ERC2: variants seen among roughly 807,000 people sequenced by gnomAD.
ERC2 encodes the protein ELKS/RAB6-interacting/CAST family member 2, also known as ERC protein 2.
In ERC2, 42 loss-of-function variants were observed where a neutral mutation model predicts 114.8. That is an observed-to-expected ratio of 0.37 (90% CI 0.29 to 0.47). The LOEUF (loss-of-function observed/expected upper bound fraction) is 0.47, where lower values mean the gene tolerates loss of function less well. ERC2 is among the 20% of genes least tolerant of loss of function. The pLI is 0.99. For synonymous variants in ERC2, 454 were observed against 425.5 expected, an observed-to-expected ratio of 1.07 and a Z score of -0.82; for missense variants, 939 against 1,150.7, an observed-to-expected ratio of 0.82 and a Z score of 2.66.
chr3:55,952,162 C>CT (rs1559922129), intron 12 of ERC2, among the ~76,000 whole-genome samples: 3 of 62,486 alleles, frequency 4.8e-5, no homozygotes, highest in Admixed American at 1.9e-4. Flanking sequence ...CACACACACA[C>CT]ACACACACAC....
At chr3:56,117,351 C>T (rs2079295347) in intron 6 of ERC2, among the ~76,000 whole-genome samples, 1 of 152,194 alleles carries the variant, frequency 6.6e-6, no homozygotes, top group African/African-American at 2.4e-5. Flanking sequence ...ACCTGGATTT[C>T]CCCATGTCAA....
chr3:55,513,011 A>G (rs966723750), intron 17 of ERC2, among the ~76,000 whole-genome samples: 5 of 152,254 alleles, frequency 3.3e-5, no homozygotes, highest in Admixed American at 3.3e-4. Flanking sequence ...GCTTCCAGCA[A>G]TGAGCCAATC....
In ERC2 at chr3:55,525,192, A is replaced by G. The variant is rs1346650697; in HGVS notation, c.*40-13916T>C. ...GAAGAATTTCCTTTAATTTTCACAA[A>G]ATTAGGAAGGTGGCTGGGATACAGT... On this transcript the variant is annotated intron_variant, in intron 17 of 17. Coordinates refer to ENST00000288221, the MANE Select transcript of ERC2 (RefSeq NM_015576.3). Among the ~76,000 whole-genome samples the G allele has an allele frequency of 2.6e-5, 4 of 152,306 alleles. No individual in the cohort carries two copies. In the East Asian group the frequency reaches 7.7e-4, roughly 29 times the overall value.
chr3:55,536,014 A>G (rs1391481054), intron 17 of ERC2, among the ~76,000 whole-genome samples: 1 of 152,114 alleles, frequency 6.6e-6, no homozygotes, highest in African/African-American at 2.4e-5. Flanking sequence ...ACAAAACAAC[A>G]ACAACAACAA....
At chr3:56,119,431 C>T (rs9821300) in intron 6 of ERC2, among the ~76,000 whole-genome samples, 2,347 of 152,282 alleles carry the variant, frequency 0.015, 53 homozygotes, top group African/African-American at 0.038. Flanking sequence ...ATTAACTGAA[C>T]CTCTGGCTGG....
At chr3:56,277,989 A>C (rs1171551859) in intron 3 of ERC2, among the ~76,000 whole-genome samples, 3 of 152,122 alleles carry the variant, frequency 2.0e-5, no homozygotes, top group Non-Finnish European at 4.4e-5. Flanking sequence ...AGGCAGAGTA[A>C]TCCCCTTCCT....
intron 17 of ERC2, among the ~76,000 whole-genome samples, chr3:55,664,960 G>A (rs887360725): frequency 2.2e-4 from 34 of 152,218 alleles, no homozygotes; most frequent in African/African-American, 7.7e-4. Context: ...TCAACATTTC[G>A]CCTTATTCCT....
chr3:56,330,689 T>G (rs2057569237), intron 2 of ERC2, among the ~76,000 whole-genome samples: 1 of 152,130 alleles, frequency 6.6e-6, no homozygotes, highest in South Asian at 2.1e-4. Flanking sequence ...GCAACAAAAA[T>G]GCACAATGGA....
At chr3:56,412,147 A>G (rs1052729985) in intron 2 of ERC2, among the ~76,000 whole-genome samples, 3 of 152,212 alleles carry the variant, frequency 2.0e-5, no homozygotes, top group African/African-American at 7.2e-5. Flanking sequence ...CACACAAAGG[A>G]GAAGGTGATG....
intron 3 of ERC2, among the ~76,000 whole-genome samples, chr3:56,242,974 C>A (rs537232865): frequency 1.3e-4 from 20 of 152,256 alleles, no homozygotes; most frequent in Admixed American, 1.2e-3. Flanking sequence ...GGCTAATTTC[C>A]ACTTCTAGAG....
chr3:55,690,278 C>A (rs1255502910), intron 16 of ERC2, among the ~76,000 whole-genome samples: 1 of 152,072 alleles, frequency 6.6e-6, no homozygotes, highest in Admixed American at 6.6e-5. Flanking sequence ...TGGAGTGCTG[C>A]AAGTGCCTGG....
At chr3:55,913,895 T>C (rs1372113531) in intron 13 of ERC2, among the ~76,000 whole-genome samples, 1 of 152,220 alleles carries the variant, frequency 6.6e-6, no homozygotes, top group African/African-American at 2.4e-5. Context: ...CTCTGTACCC[T>C]TTTTCTAGTA....
At chr3:56,243,764 T>G (rs184816051) in intron 3 of ERC2, among the ~76,000 whole-genome samples, 149 of 152,312 alleles carry the variant, frequency 9.8e-4, no homozygotes, top group African/African-American at 3.4e-3. Flanking sequence ...GTCCATGCTC[T>G]ATAAGGGGAG....
intron 2 of ERC2, among the ~76,000 whole-genome samples, chr3:56,390,953 G>A (rs946904401): frequency 1.3e-5 from 2 of 152,172 alleles, no homozygotes; most frequent in African/African-American, 4.8e-5. Flanking sequence ...TGCACTAACT[G>A]AAGCACCTGC....
At chr3:55,870,908 C>T (rs887127928) in intron 14 of ERC2, among the ~76,000 whole-genome samples, 1 of 152,246 alleles carries the variant, frequency 6.6e-6, no homozygotes, top group Non-Finnish European at 1.5e-5. Context: ...GATACCTTCT[C>T]TCCCTAGCTT....
In ERC2 at chr3:55,907,002, A is replaced by G. The variant is rs528874334; in HGVS notation, c.2404-18453T>C. ...TAGGGGTGCTTGCCTCCCAGTCTTC[A>G]TCTTGAGGGTAAGGTTTCCTGAAAA... On this transcript the variant is annotated intron_variant, in intron 13 of 17. Coordinates refer to ENST00000288221, the MANE Select transcript of ERC2 (RefSeq NM_015576.3). Among the ~76,000 whole-genome samples the G allele has an allele frequency of 3.3e-5, 5 of 152,290 alleles. No individual in the cohort carries two copies. In the South Asian group the frequency reaches 1.0e-3, roughly 32 times the overall value.
chr3:56,044,609 C>T (rs903474376), intron 7 of ERC2, among the ~76,000 whole-genome samples: 1 of 152,078 alleles, frequency 6.6e-6, no homozygotes, highest in Admixed American at 6.6e-5. Context: ...TTAAAGTACT[C>T]TATCTATGCT....
intron 6 of ERC2, among the ~76,000 whole-genome samples, chr3:56,111,335 A>ATC (rs202192789): frequency 0.19 from 21,505 of 113,628 alleles, 1,614 homozygotes; most frequent in African/African-American, 0.23. Flanking sequence ...CTCTCTCTCA[A>ATC]TCTCTCTCCC....
intron 2 of ERC2, among the ~76,000 whole-genome samples, chr3:56,383,826 C>T (rs986252455): frequency 1.3e-5 from 2 of 152,146 alleles, no homozygotes; most frequent in African/African-American, 4.8e-5. Flanking sequence ...AAGCTCCACA[C>T]CCATTGAACA....
Sources: allele counts gnomAD v4.1 joint callset (sites outside exome capture counted in the v4.1 genomes callset), GRCh38; gene constraint gnomAD v4.1.1; transcripts MANE v1.5; gene names NCBI Gene and HGNC (gene_info 2026-07-23, HGNC 2026-07-21).